The following EHBP1 variants were observed in gnomAD, a reference collection of about 807,000 sequenced individuals.
EHBP1 encodes EH domain binding protein 1.
A neutral mutation model predicts 144.0 loss-of-function variants in EHBP1; 55 were observed. The ratio of observed to expected loss-of-function variants is 0.38; its 90% CI spans 0.31 to 0.48. The LOEUF (loss-of-function observed/expected upper bound fraction) is 0.48, where lower values mean the gene tolerates loss of function less well. Among genes scored for constraint, EHBP1 ranks in the 20% least tolerant of loss-of-function variants. The pLI, the probability that EHBP1 is intolerant of heterozygous loss-of-function variation, is 0.98. For missense variants in EHBP1, 1,200 were observed against 1,364.2 expected, an observed-to-expected ratio of 0.88 and a Z score of 1.90; for synonymous variants, 469 against 472.7, an observed-to-expected ratio of 0.99 and a Z score of 0.10.
At chr2:62,861,349 C>T (rs925326825) in intron 8 of EHBP1, among the ~76,000 whole-genome samples, 13 of 151,186 alleles carry the variant, frequency 8.6e-5, no homozygotes, top group African/African-American at 1.2e-4. Context: ...AGGATGGTCT[C>T]GATTTCCTGA....
intron 19 of EHBP1, among the ~76,000 whole-genome samples, chr2:63,030,917 T>A (rs2061219991): frequency 6.7e-6 from 1 of 150,122 alleles, no homozygotes; most frequent in Non-Finnish European, 1.5e-5. Context: ...TGCCTTGGCC[T>A]CCTGAGTAGC....
At chr2:62,725,396 G>A (rs1384299116) in intron 2 of EHBP1, among the ~76,000 whole-genome samples, 3 of 152,220 alleles carry the variant, frequency 2.0e-5, no homozygotes, top group Non-Finnish European at 4.4e-5. Flanking sequence ...CAGTGGCAGA[G>A]GCAACCCATT....
At chr2:62,749,735 G>C (rs973300028) in intron 3 of EHBP1, among the ~76,000 whole-genome samples, 1 of 152,202 alleles carries the variant, frequency 6.6e-6, no homozygotes, top group African/African-American at 2.4e-5. Context: ...GATGGCCAGT[G>C]ATGATGAGCA....
At chr2:62,813,281 A>G (rs891506762) in intron 5 of EHBP1, among the ~76,000 whole-genome samples, 1 of 152,202 alleles carries the variant, frequency 6.6e-6, no homozygotes, top group Non-Finnish European at 1.5e-5. Context: ...AGTGGCATCC[A>G]TGTGATGTTA....
intron 5 of EHBP1, among the ~76,000 whole-genome samples, chr2:62,802,621 C>G (rs1031967521): frequency 2.0e-5 from 3 of 151,950 alleles, no homozygotes; most frequent in African/African-American, 7.3e-5. Flanking sequence ...AAAGTTCTCC[C>G]TCACCCACAC....
intron 10 of EHBP1, among the ~76,000 whole-genome samples, chr2:62,918,852 C>G (rs2054844644): frequency 6.6e-6 from 1 of 152,148 alleles, no homozygotes; most frequent in South Asian, 2.1e-4. Context: ...AACGGGGTAG[C>G]AAGCACCAGG....
intron 9 of EHBP1, among the ~76,000 whole-genome samples, chr2:62,868,690 G>A (rs1030212543): frequency 3.3e-5 from 5 of 152,244 alleles, no homozygotes; most frequent in African/African-American, 9.6e-5. Context: ...GTTCATGCCT[G>A]TAATCTCAGC....
At chr2:62,728,494 C>G (rs1371817389) in intron 2 of EHBP1, among the ~76,000 whole-genome samples, 1 of 152,144 alleles carries the variant, frequency 6.6e-6, no homozygotes, top group Non-Finnish European at 1.5e-5. Flanking sequence ...AATTGCTGAA[C>G]CATGTTGAGC....
At position 62,866,475 on chromosome 2, in the gene EHBP1, T is replaced by C. The variant is rs1343509036; in HGVS notation, c.998+1504T>C. Among the ~76,000 whole-genome samples the C allele has an allele frequency of 2.6e-5, 4 of 152,184 alleles. No homozygotes were observed. In the South Asian group the frequency reaches 6.2e-4, roughly 24 times the overall value. ...TGATGGAATTAAAAGATCAACCTGG[T>C]AAAATAACTTTTATAAATATATTCC... On this transcript the variant is annotated intron_variant, in intron 9 of 22. Coordinates refer to ENST00000431489, the MANE Select transcript of EHBP1 (RefSeq NM_001142616.3).
intron 5 of EHBP1, among the ~76,000 whole-genome samples, chr2:62,777,576 G>C (rs574727105): frequency 3.9e-5 from 6 of 151,984 alleles, no homozygotes; most frequent in South Asian, 2.1e-4. Context: ...ATAACTGGTA[G>C]TTTTTTGTTT....
chr2:62,831,593 A>G (rs1558751205), intron 7 of EHBP1, among the ~76,000 whole-genome samples: 2 of 152,194 alleles, frequency 1.3e-5, no homozygotes, highest in Admixed American at 6.5e-5. Flanking sequence ...TATCTTATGT[A>G]TCCTGGTATT....
At chr2:62,825,670 C>T (rs1468503888) in intron 5 of EHBP1, among the ~76,000 whole-genome samples, 1 of 150,960 alleles carries the variant, frequency 6.6e-6, no homozygotes, top group South Asian at 2.1e-4. Flanking sequence ...TAATCGTAGG[C>T]GTTTAAAAAG....
At chr2:62,944,065 A>G (rs911896456) in intron 12 of EHBP1, among the ~76,000 whole-genome samples, 2 of 152,238 alleles carry the variant, frequency 1.3e-5, no homozygotes, top group Admixed American at 1.3e-4. Context: ...ATATTATAAT[A>G]TGCATATTAT....
At chr2:62,769,047 ACAT>A (rs2041418431) in intron 4 of EHBP1, among the ~76,000 whole-genome samples, 1 of 152,224 alleles carries the variant, frequency 6.6e-6, no homozygotes, top group African/African-American at 2.4e-5. Context: ...ACCACAGCCA[ACAT>A]CATATCGAAT....
chr2:62,792,141 A>G (rs1042109339), intron 5 of EHBP1, among the ~76,000 whole-genome samples: 2 of 152,074 alleles, frequency 1.3e-5, no homozygotes, highest in Non-Finnish European at 2.9e-5. Context: ...AGACCTCTGC[A>G]TCTACTTTTA....
At chr2:62,951,172 G>A (rs2153097724) in intron 13 of EHBP1, among the ~76,000 whole-genome samples, 1 of 152,226 alleles carries the variant, frequency 6.6e-6, no homozygotes, top group East Asian at 1.9e-4. Flanking sequence ...AAACATCAAG[G>A]AATTGCCATC....
chr2:63,002,923 G>A (rs1350281494), intron 19 of EHBP1, among the ~76,000 whole-genome samples: 1 of 152,022 alleles, frequency 6.6e-6, no homozygotes, highest in Non-Finnish European at 1.5e-5. Flanking sequence ...CATTAAAAAT[G>A]TAGGGATCAT....
chr2:62,819,799 T>C (rs1036767883), intron 5 of EHBP1, among the ~76,000 whole-genome samples: 1 of 150,446 alleles, frequency 6.6e-6, no homozygotes, highest in Non-Finnish European at 1.5e-5. Context: ...CGACAACCCA[T>C]ATGTCCATCA....
intron 2 of EHBP1, among the ~76,000 whole-genome samples, chr2:62,746,116 A>T (rs1302994825): frequency 6.6e-6 from 1 of 152,102 alleles, no homozygotes; most frequent in Non-Finnish European, 1.5e-5. Flanking sequence ...GAGGTAGCTT[A>T]CATTTGTTGG....
Sources: allele counts gnomAD v4.1 joint callset (sites outside exome capture counted in the v4.1 genomes callset), GRCh38; gene constraint gnomAD v4.1.1; transcripts MANE v1.5; gene names NCBI Gene and HGNC (gene_info 2026-07-23, HGNC 2026-07-21).